ANK1: variants seen among roughly 807,000 people sequenced by gnomAD.
The protein encoded by ANK1 is ankyrin 1, also known as ankyrin-1.
A neutral mutation model predicts 210.4 loss-of-function variants in ANK1; 51 were observed. The observed-to-expected ratio is 0.24, with a 90% CI of 0.19 to 0.31. The LOEUF is 0.31. Ranked by LOEUF, ANK1 falls within the 10% of genes least tolerant of loss-of-function variation. The pLI is 1.00. For missense variants in ANK1, 2,051 were observed against 2,504.4 expected, an observed-to-expected ratio of 0.82 and a Z score of 3.86; for synonymous variants, 967 against 1,025.9, an observed-to-expected ratio of 0.94 and a Z score of 1.10.
chr8:41,672,260 T>G lies in ANK1; in HGVS notation c.5096+94A>C. 11 of 1,364,530 alleles carry G rather than the reference T, an allele frequency of 8.1e-6. No individual in the cohort carries two copies. The South Asian group carries it at 1.1e-4, about 14-fold the overall frequency. The allele number at this position is 1,364,530 out of a possible 1,614,324, so 84.5% of individuals were successfully genotyped here. A position where few individuals can be genotyped will look rare whatever the true frequency, so the allele number is the denominator to read the frequency against. ...TGCAATTAGAACCCAGGGTCAGGGT[T>G]GGCATCGACACCTCTGTCCTCACTG... is the stretch of plus-strand genomic sequence containing the variant. On this transcript the variant is annotated intron_variant, in intron 38 of 42. Transcript: ENST00000289734.
chr8:41,852,478 T>G (rs1428046926), intron 1 of ANK1, among the ~76,000 whole-genome samples: 1 of 151,956 alleles, frequency 6.6e-6, no homozygotes, highest in East Asian at 1.9e-4. Context: ...CAGCACAGAG[T>G]GCACACACAT....
At position 41,672,473 on chromosome 8, in the gene ANK1, C is replaced by T. The variant is rs772253626; in HGVS notation, c.4977G>A (p.Ala1659=). The T allele has an allele frequency of 2.2e-5, 35 of 1,614,128 alleles. No homozygotes were observed. The highest frequency in any genetic ancestry group is 3.3e-5 in the South Asian group (3 of 91,090). The change falls in exon 38 of 43, where the codon GCG becomes GCA. Residue 1659 remains alanine, a synonymous_variant. Coordinates refer to ENST00000289734, the MANE Select transcript of ANK1 (RefSeq NM_000037.4). ...KLPGSKRQDD[A]TGAGQDSENE... is the part of the protein sequence containing the mutation. ...TCTCTGAGTCCTGCCCTGCACCTGT[C>T]GCGTCATCCTGCCTCTTAGAACCTG... is the stretch of plus-strand genomic sequence containing the variant.
intron 7 of ANK1, 108 bp from the exon 8 acceptor site, chr8:41,723,741 G>A (rs1406707663): frequency 2.4e-6 from 2 of 847,654 alleles, no homozygotes; most frequent in Admixed American, 3.9e-5. Flanking sequence ...GCCTGCAACA[G>A]CGTTGTCAGG....
intron 23 of ANK1, among the ~76,000 whole-genome samples, chr8:41,698,745 A>C (rs765150474): frequency 2.6e-5 from 4 of 152,120 alleles, no homozygotes; most frequent in Non-Finnish European, 5.9e-5. Context: ...AGAGGTATAC[A>C]GTCAAGAGTT....
At chr8:41,742,970 T>C (rs577581869) in intron 2 of ANK1, among the ~76,000 whole-genome samples, 26 of 152,292 alleles carry the variant, frequency 1.7e-4, no homozygotes, top group African/African-American at 6.0e-4. Flanking sequence ...CCTATTCAAT[T>C]TGGATTCTCT....
At position 41,690,464 on chromosome 8, in the gene ANK1, G is replaced by T; in HGVS notation, c.3984+10C>A. The T allele has an allele frequency of 1.2e-6, 2 of 1,614,210 alleles. No individual in the cohort carries two copies. The highest frequency in any genetic ancestry group is 1.7e-6 in the Non-Finnish European group (2 of 1,180,034). ...ACCCAGAGGAGAACTCAGCCAGAGGGTGCCGGCACCTTTACAGGCATGGCC... is the reference window on the plus strand; with the variant it reads ...ACCCAGAGGAGAACTCAGCCAGAGGTTGCCGGCACCTTTACAGGCATGGCC... On this transcript the variant is annotated intron_variant, in intron 32 of 42. Coordinates refer to ENST00000289734, the MANE Select transcript of ANK1 (RefSeq NM_000037.4).
chr8:41,790,934 T>C (rs1377381560), intron 1 of ANK1, among the ~76,000 whole-genome samples: 1 of 152,102 alleles, frequency 6.6e-6, no homozygotes, highest in Non-Finnish European at 1.5e-5. Context: ...TTGACTCCCT[T>C]TGGAGAAAAA....
At chr8:41,818,573 GTCTT>G (rs143734244) in intron 1 of ANK1, among the ~76,000 whole-genome samples, 11,376 of 151,666 alleles carry the variant, frequency 0.075, 986 homozygotes, top group African/African-American at 0.21. Flanking sequence ...AAACCAATAA[GTCTT>G]TCTTTCTTTC....
Position 41,706,257 on chromosome 8 carries a change from C to A in ANK1, c.1999-16G>T. On this transcript the variant is annotated splice_polypyrimidine_tract_variant and intron_variant, in intron 17 of 42. Transcript: ENST00000289734. ...TGAGTCCGCTCTGCAAAGAAAAAGACGTTCATCACCTTCTATCAAGTAAAG... is the reference window on the plus strand; with the variant it reads ...TGAGTCCGCTCTGCAAAGAAAAAGAAGTTCATCACCTTCTATCAAGTAAAG... The A allele has an allele frequency of 6.2e-7, 1 of 1,608,124 alleles. No homozygotes were observed. Among genetic ancestry groups the A allele is most frequent in the South Asian group, 1.1e-5 (1 of 90,730 alleles).
rs1805329532 is a variant in ANK1, at chr8:41,655,421, C to T, written c.*369G>A. 2.8e-6 allele frequency: 1 copy of T among 355,520 alleles called. No homozygotes were observed. The highest frequency in any genetic ancestry group is 2.1e-5 in the African/African-American group (1 of 47,914). 22.0% of individuals were successfully genotyped at this position (355,520 alleles called of 1,614,324 possible). A position where few individuals can be genotyped will look rare whatever the true frequency, so the allele number is the denominator to read the frequency against. On this transcript the variant is annotated 3_prime_UTR_variant, in exon 43 of 43. Transcript: ENST00000289734. ...AAAAAAAAACCCCAAAACCAAAACC[C>T]ATCCCCAGCCACAAAAAGCCCTCAT... is the stretch of plus-strand genomic sequence containing the variant.
chr8:41,725,957 G>T lies in ANK1; in HGVS notation c.427-11C>A. 1 of 1,612,620 alleles carries T rather than the reference G, an allele frequency of 6.2e-7. No individual in the cohort carries two copies. The highest frequency in any genetic ancestry group is 1.7e-4 in the Middle Eastern group (1 of 5,806). ...AGGCGTGAAGCCGTCCTGGCCAGAG[G>T]AGGAAAATGCTTTGCTCTGACTCGT... On this transcript the variant is annotated splice_polypyrimidine_tract_variant and intron_variant, in intron 5 of 42. Transcript: ENST00000289734.
chr8:41,808,990 A>G (rs1563822574), intron 1 of ANK1, among the ~76,000 whole-genome samples: 1 of 152,142 alleles, frequency 6.6e-6, no homozygotes, highest in Non-Finnish European at 1.5e-5. Context: ...TTGCTATAGG[A>G]TTATCATCCC....
At chr8:41,789,835 A>G (rs974404766) in intron 1 of ANK1, among the ~76,000 whole-genome samples, 17 of 152,218 alleles carry the variant, frequency 1.1e-4, no homozygotes, top group African/African-American at 4.1e-4. Flanking sequence ...CGTTAAGATG[A>G]AATATATAAA....
chr8:41,807,653 A>G (rs1232219579), intron 1 of ANK1, among the ~76,000 whole-genome samples: 1 of 152,166 alleles, frequency 6.6e-6, no homozygotes, highest in African/African-American at 2.4e-5. Context: ...GCCGGGCGGT[A>G]TCACATAAAA....
intron 37 of ANK1, among the ~76,000 whole-genome samples, chr8:41,683,504 T>C (rs1816763720): frequency 6.6e-6 from 1 of 152,172 alleles, no homozygotes; most frequent in Non-Finnish European, 1.5e-5. Flanking sequence ...GTGCCCACCC[T>C]CAGCCTGGGC....
intron 1 of ANK1, among the ~76,000 whole-genome samples, chr8:41,839,824 A>C (rs952933944): frequency 6.6e-6 from 1 of 152,208 alleles, no homozygotes; most frequent in Non-Finnish European, 1.5e-5. Flanking sequence ...ACCCTAGGAC[A>C]GCAAAAGGAC....
In ANK1 at chr8:41,699,504, C is replaced by A. The variant is rs1260999396; in HGVS notation, c.2506G>T (p.Asp836Tyr). ...SFKAERRDSR[D>Y]VDEEKELLDF... ...AGCAGCTCCTTCTCTTCATCAACAT[C>A]CCTGGAATCCCGCCTCTCAGCCTTG... Residue 836 changes from aspartate to tyrosine, a missense_variant, in exon 23 of 43, where the codon GAT (aspartate) becomes TAT (tyrosine). Physicochemically the swap from Asp to Tyr is radical, Grantham distance 160. Around this residue, in one of 6 missense-constraint regions of ANK1, gnomAD observed 1,413 missense variants for 1,707.4 expected, o/e 0.83. Transcript: ENST00000289734. The A allele has an allele frequency of 6.2e-7, 1 of 1,614,082 alleles. No homozygotes were observed. The highest frequency in any genetic ancestry group is 8.5e-7 in the Non-Finnish European group (1 of 1,180,052).
At chr8:41,860,030 A>G (rs1812982635) in intron 1 of ANK1, among the ~76,000 whole-genome samples, 1 of 152,228 alleles carries the variant, frequency 6.6e-6, no homozygotes, top group Non-Finnish European at 1.5e-5. Flanking sequence ...GAGCAAGGAC[A>G]TGGCACTCCT....
chr8:41,894,152 A>G (rs905349317), intron 1 of ANK1, among the ~76,000 whole-genome samples: 4 of 152,030 alleles, frequency 2.6e-5, no homozygotes, highest in Non-Finnish European at 4.4e-5. Flanking sequence ...CCCACCCCAT[A>G]CCATCTCCCC....
Sources: gnomAD v4.1 joint callset for allele counts (sites outside exome capture counted in the v4.1 genomes callset) on GRCh38, gnomAD v4.1.1 for gene constraint, gnomAD v4.1.1 regional missense constraint, MANE v1.5 for transcripts, NCBI Gene and HGNC (gene_info 2026-07-23, HGNC 2026-07-21) for gene names.